Variants in D2HGDH observed in about 807,000 individuals in gnomAD.
D2HGDH encodes D-2-hydroxyglutarate dehydrogenase.
D2HGDH carries 31 observed loss-of-function variants against 46.9 expected under a neutral mutation model. That is an observed-to-expected ratio of 0.66 (90% CI 0.50 to 0.89). The LOEUF (loss-of-function observed/expected upper bound fraction) is 0.89. Ranked by LOEUF, D2HGDH falls within the 40% of genes least tolerant of loss-of-function variation. The pLI, the probability that D2HGDH is intolerant of heterozygous loss-of-function variation, is 0.00. For missense variants in D2HGDH, 698 were observed against 720.8 expected (o/e 0.97, Z 0.36); for synonymous variants, 364 against 332.6 (o/e 1.09, Z -1.03).
intron 6 of D2HGDH, among the ~76,000 whole-genome samples, chr2:241,746,938 G>A (rs1472440764): frequency 6.6e-6 from 1 of 151,646 alleles, no homozygotes; most frequent in Non-Finnish European, 1.5e-5. Flanking sequence ...TTTATAATCA[G>A]GCAATTCCAT....
At chr2:241,748,565 T>C (rs894036708) in intron 6 of D2HGDH, among the ~76,000 whole-genome samples, 7 of 152,214 alleles carry the variant, frequency 4.6e-5, no homozygotes, top group Non-Finnish European at 7.4e-5. Flanking sequence ...GCTTCACTGG[T>C]GCCCCTCCCA....
intron 9 of D2HGDH, 53 bp downstream of exon 9, chr2:241,756,067 C>A (rs1002454947): frequency 1.3e-6 from 2 of 1,545,806 alleles, no homozygotes; most frequent in South Asian, 1.2e-5. Flanking sequence ...GTGGGCCCCA[C>A]GGTCACCGTC....
intron 9 of D2HGDH, among the ~76,000 whole-genome samples, 154 bp from the exon 10 acceptor site, chr2:241,767,556 G>A (rs888681074): frequency 3.3e-5 from 5 of 151,580 alleles, no homozygotes; most frequent in African/African-American, 1.2e-4. Context: ...CCAGAGGAGG[G>A]GTCGGCACGT....
intron 8 of D2HGDH, among the ~76,000 whole-genome samples, chr2:241,754,366 C>T (rs935188760): frequency 3.3e-5 from 5 of 152,040 alleles, no homozygotes; most frequent in Non-Finnish European, 5.9e-5. Context: ...TAAAAGGGGC[C>T]GGGCACGGTG....
At chr2:241,748,472 C>G (rs1260252188) in intron 6 of D2HGDH, among the ~76,000 whole-genome samples, 1 of 152,234 alleles carries the variant, frequency 6.6e-6, no homozygotes, top group Non-Finnish European at 1.5e-5. Context: ...GGTGTTTTCA[C>G]TGGGCACTGG....
rs2124983137 is a variant in D2HGDH, at chr2:241,734,671, G to T, written c.-117G>T. 1 of 151,726 alleles carries T rather than the reference G, an allele frequency of 6.6e-6. No homozygotes were observed. Among genetic ancestry groups the T allele is most frequent in the Non-Finnish European group, 1.5e-5 (1 of 67,912 alleles). 9.4% of individuals were successfully genotyped at this position (151,726 alleles called of 1,614,324 possible). A position where few individuals can be genotyped will look rare whatever the true frequency, so the allele number is the denominator to read the frequency against. Reference sequence around the variant, plus strand: ...TCTGGGCCTGCGGCGGGCGCTGCGGGTTGGAGCTCGGGACGTGATCGTGGG... The same window carrying T: ...TCTGGGCCTGCGGCGGGCGCTGCGGTTTGGAGCTCGGGACGTGATCGTGGG... On this transcript the variant is annotated 5_prime_UTR_variant, in exon 1 of 10. Transcript: ENST00000321264.
Position 241,735,324 on chromosome 2 carries a change from A to G in D2HGDH, c.100A>G (p.Arg34Gly). ...TCGGCCGGTTGGCCCCCTGGCCCGC[A>G]GAGGCTGCTGCTCCGCCCCGGGGAC... ...WGRPVGPLARRGCCSAPGTPE... is the reference protein window; with the variant it reads ...WGRPVGPLARGGCCSAPGTPE... Residue 34 changes from arginine to glycine, a missense_variant, in exon 2 of 10, where the codon AGA becomes GGA. By Grantham distance (125) the Arg-to-Gly change is moderately radical. Transcript: ENST00000321264. 3.2e-6 allele frequency: 5 copies of G among 1,541,854 alleles called. No individual in the cohort carries two copies. The highest frequency in any genetic ancestry group is 4.4e-6 in the Non-Finnish European group (5 of 1,149,094).
chr2:241,741,902 C>T (rs1232918154), intron 3 of D2HGDH, among the ~76,000 whole-genome samples: 6 of 151,400 alleles, frequency 4.0e-5, no homozygotes, highest in Non-Finnish European at 8.8e-5. Context: ...ATTTCATGTA[C>T]ATGGGCAGAT....
At chr2:241,737,877 A>G (rs768603727) in intron 2 of D2HGDH, among the ~76,000 whole-genome samples, 1 of 152,228 alleles carries the variant, frequency 6.6e-6, no homozygotes, top group Non-Finnish European at 1.5e-5. Flanking sequence ...GGCTGAACAT[A>G]GGGTGTGCTG....
intron 2 of D2HGDH, among the ~76,000 whole-genome samples, chr2:241,736,894 C>T (rs1031452845): frequency 6.6e-6 from 1 of 151,890 alleles, no homozygotes; most frequent in Non-Finnish European, 1.5e-5. Flanking sequence ...CTCCTGACTT[C>T]GGGTGATCCA....
rs759307595 is a variant in D2HGDH, at chr2:241,755,415, C to G, written c.1141-434C>G. On this transcript the variant is annotated intron_variant, in intron 8 of 9. Coordinates refer to ENST00000321264, the MANE Select transcript of D2HGDH (RefSeq NM_152783.5). ...GGTTCAGGGAGCGTCCAGGCCCATT[C>G]TCATCCTCAGGGCCTTCCCTGGCCC... is the stretch of plus-strand genomic sequence containing the variant. 4 of 1,307,166 alleles carry G rather than the reference C, an allele frequency of 3.1e-6. No homozygotes were observed. In the African/African-American group the frequency reaches 6.1e-5, roughly 20 times the overall value. The allele number at this position is 1,307,166 out of a possible 1,614,324, so 81.0% of individuals were successfully genotyped here.
At chr2:241,748,495 A>G (rs528425555) in intron 6 of D2HGDH, among the ~76,000 whole-genome samples, 1 of 152,332 alleles carries the variant, frequency 6.6e-6, no homozygotes, top group East Asian at 1.9e-4. Flanking sequence ...CACGTGGCCT[A>G]GCCCATTGCT....
At chr2:241,764,411 C>CA (rs1699096357) in intron 9 of D2HGDH, among the ~76,000 whole-genome samples, 1 of 152,212 alleles carries the variant, frequency 6.6e-6, no homozygotes, top group Non-Finnish European at 1.5e-5. Flanking sequence ...GAGTGATTCT[C>CA]AAAGAGCTGG....
At chr2:241,756,646 C>G (rs749049670) in intron 9 of D2HGDH, among the ~76,000 whole-genome samples, 1 of 152,282 alleles carries the variant, frequency 6.6e-6, no homozygotes, top group East Asian at 1.9e-4. Flanking sequence ...CCCAGCCTCC[C>G]GAGTCTCTGG....
At chr2:241,763,808 C>T (rs982611987) in intron 9 of D2HGDH, among the ~76,000 whole-genome samples, 4 of 152,040 alleles carry the variant, frequency 2.6e-5, no homozygotes, top group African/African-American at 4.8e-5. Context: ...GGTGGGAGGA[C>T]TGCTTGAGGT....
chr2:241,760,147 CCAAT>C (rs1369570295), intron 9 of D2HGDH, among the ~76,000 whole-genome samples: 4 of 100,446 alleles, frequency 4.0e-5, no homozygotes, highest in East Asian at 3.0e-4. Flanking sequence ...TGGGCCTTAC[CCAAT>C]CAGTCGAAGG....
chr2:241,752,082 C>T (rs982849373), intron 8 of D2HGDH, among the ~76,000 whole-genome samples: 6 of 128,892 alleles, frequency 4.7e-5, no homozygotes, highest in Admixed American at 9.2e-5. Flanking sequence ...CAGTGGGAGG[C>T]GCCCTTGGTC....
Position 241,743,944 on chromosome 2 carries a change from C to T in D2HGDH, c.684+129C>T, listed in dbSNP as rs1375550953. On this transcript the variant is annotated intron_variant, in intron 5 of 9. Coordinates refer to ENST00000321264, the MANE Select transcript of D2HGDH (RefSeq NM_152783.5). This position sits in a 1 kb window ranked among gnomAD's most constrained non-coding sequence, Gnocchi z 4.8. ...GGAGGTCTTGGTTCCTGGCCCTGGG[C>T]CCCTCAAGGATGTGTGGGCTACATA... 5.7e-6 allele frequency: 6 copies of T among 1,061,508 alleles called. No homozygotes were observed. Among genetic ancestry groups the T allele is most frequent in the South Asian group, 3.0e-5 (2 of 65,850 alleles). 65.8% of individuals were successfully genotyped at this position (1,061,508 alleles called of 1,614,324 possible). A position where few individuals can be genotyped will look rare whatever the true frequency, so the allele number is the denominator to read the frequency against.
Position 241,767,986 on chromosome 2 carries a change from T to G in D2HGDH, c.*17T>G. The G allele has an allele frequency of 6.3e-7, 1 of 1,577,592 alleles. No individual in the cohort carries two copies. Among genetic ancestry groups the G allele is most frequent in the Middle Eastern group, 2.0e-4 (1 of 5,024 alleles). On this transcript the variant is annotated 3_prime_UTR_variant, in exon 10 of 10. Coordinates refer to ENST00000321264, the MANE Select transcript of D2HGDH (RefSeq NM_152783.5). ...CAGGCCTGACGGCCACTCCTGCTGC[T>G]GCCAAGGCCCACTGGGGGTCGGCGG...
Sources: allele counts gnomAD v4.1 joint callset (sites outside exome capture counted in the v4.1 genomes callset), GRCh38; gene constraint gnomAD v4.1.1; non-coding constraint Gnocchi (gnomAD v3.1); transcripts MANE v1.5; gene names NCBI Gene and HGNC (gene_info 2026-07-23, HGNC 2026-07-21).